CSNK1G2: variants seen among roughly 807,000 people sequenced by gnomAD.
CSNK1G2 encodes the protein casein kinase 1 gamma 2.
In CSNK1G2, 11 loss-of-function variants were observed where a neutral mutation model predicts 48.0. The ratio of observed to expected loss-of-function variants is 0.23; its 90% CI spans 0.14 to 0.38. The LOEUF (loss-of-function observed/expected upper bound fraction) is 0.38, where lower values mean the gene tolerates loss of function less well. Ranked by LOEUF, CSNK1G2 falls within the 10% of genes least tolerant of loss-of-function variation. The pLI, the probability that CSNK1G2 is intolerant of heterozygous loss-of-function variation, is 1.00. For missense variants in CSNK1G2, 446 were observed against 595.5 expected, an observed-to-expected ratio of 0.75 and a Z score of 2.61; for synonymous variants, 337 against 254.1, an observed-to-expected ratio of 1.33 and a Z score of -3.10.
intron 2 of CSNK1G2, among the ~76,000 whole-genome samples, chr19:1,976,906 A>G (rs779065332): frequency 8.6e-5 from 13 of 151,800 alleles, no homozygotes; most frequent in Non-Finnish European, 1.3e-4. Context: ...TGCCAGGCTA[A>G]TTTTGTATTT....
intron 1 of CSNK1G2, among the ~76,000 whole-genome samples, chr19:1,965,243 C>T (rs958134584): frequency 6.6e-6 from 1 of 150,382 alleles, no homozygotes; most frequent in Admixed American, 6.6e-5. Context: ...ATTAACCGGC[C>T]GTGGTGGCGG....
intron 1 of CSNK1G2, chr19:1,953,734 C>G (rs1464488832): frequency 2.5e-6 from 1 of 404,634 alleles, no homozygotes; most frequent in Non-Finnish European, 5.1e-6. Context: ...ATCCCCCCAA[C>G]AGGGTCTGGT....
At chr19:1,948,723 G>T (rs2145501941) in intron 1 of CSNK1G2, among the ~76,000 whole-genome samples, 1 of 152,294 alleles carries the variant, frequency 6.6e-6, no homozygotes, top group African/African-American at 2.4e-5. Context: ...AGCAGGGTGG[G>T]GTTTAGGGCA....
intron 1 of CSNK1G2, chr19:1,953,436 G>T (rs765421209): frequency 1.9e-6 from 1 of 534,580 alleles, no homozygotes; most frequent in Non-Finnish European, 3.8e-6. Flanking sequence ...ATGCAGATGT[G>T]TCCACTTTGC....
rs552136560 is a variant in CSNK1G2, at chr19:1,962,933, G to A, written c.-265-6575G>A. ...GACGGTGGCTACAACCCAGATGGCC[G>A]TCAGCAGAGGAGGAGGCGTAGTGTG... is the stretch of plus-strand genomic sequence containing the variant. On this transcript the variant is annotated intron_variant, in intron 1 of 11. Transcript: ENST00000255641. Among the ~76,000 whole-genome samples, 16 of 152,250 alleles carry A rather than the reference G, an allele frequency of 1.1e-4. No homozygotes were observed. In the East Asian group the frequency reaches 2.9e-3, roughly 28 times the overall value.
Position 1,963,652 on chromosome 19 carries a change from T to G in CSNK1G2, c.-265-5856T>G, listed in dbSNP as rs1233171059. On this transcript the variant is annotated intron_variant, in intron 1 of 11. Transcript: ENST00000255641. ...CCTCCCGAGTAGCTGGAGTTACAGG[T>G]GCACGCCACCACACCTAGCTAATTT... 4.1e-5 allele frequency among the ~76,000 whole-genome samples: 6 copies of G among 145,958 alleles called. No homozygotes were observed. The East Asian group carries it at 1.2e-3, about 30-fold the overall frequency.
intron 1 of CSNK1G2, among the ~76,000 whole-genome samples, chr19:1,943,961 G>A (rs1380287821): frequency 1.3e-5 from 2 of 152,152 alleles, no homozygotes; most frequent in East Asian, 1.9e-4. Context: ...AGGGGCTGCG[G>A]GCCTCGGGTG....
chr19:1,980,223 C>T lies in CSNK1G2; in HGVS notation c.*20C>T, dbSNP rs764214009. 34 of 1,612,434 alleles carry T rather than the reference C, an allele frequency of 2.1e-5. No individual in the cohort carries two copies. The highest frequency in any genetic ancestry group is 9.3e-6 in the Non-Finnish European group (11 of 1,179,664). ...AAGTGACCCTGGGCGCGTGCAGCCC[C>T]CTGAATCTTCTCCGTGCAGCCCCTT... On this transcript the variant is annotated 3_prime_UTR_variant, in exon 12 of 12. Coordinates refer to ENST00000255641, the MANE Select transcript of CSNK1G2 (RefSeq NM_001319.7).
chr19:1,978,771 G>C lies in CSNK1G2; in HGVS notation c.447+21G>C. On this transcript the variant is annotated intron_variant, in intron 5 of 11. Coordinates refer to ENST00000255641, the MANE Select transcript of CSNK1G2 (RefSeq NM_001319.7). This position sits in a 1 kb window ranked among gnomAD's most constrained non-coding sequence, Gnocchi z 7.3. ...AGCTGGTGCGCGGCGGGCGGGGCGG[G>C]GCGGGGCTCGGAGGGAAGAGGGTGG... The C allele has an allele frequency of 1.9e-6, 3 of 1,569,336 alleles. No individual in the cohort carries two copies. Among genetic ancestry groups the C allele is most frequent in the Middle Eastern group, 3.4e-4 (2 of 5,952 alleles).
chr19:1,960,176 A>C (rs2015151463), intron 1 of CSNK1G2, among the ~76,000 whole-genome samples: 1 of 152,124 alleles, frequency 6.6e-6, no homozygotes, highest in African/African-American at 2.4e-5. Flanking sequence ...TAGGAAGAAA[A>C]GGCGTCCTGC....
At chr19:1,948,434 AATGGC>A (rs1321593250) in intron 1 of CSNK1G2, among the ~76,000 whole-genome samples, 2 of 151,232 alleles carry the variant, frequency 1.3e-5, no homozygotes, top group African/African-American at 2.4e-5. Flanking sequence ...GAGGGAGGAG[AATGGC>A]ATGAACCCGG....
At chr19:1,944,765 G>A (rs2014493819) in intron 1 of CSNK1G2, among the ~76,000 whole-genome samples, 1 of 152,194 alleles carries the variant, frequency 6.6e-6, no homozygotes, top group African/African-American at 2.4e-5. Context: ...CACCAGAACG[G>A]TGTATTCAAT....
In CSNK1G2 at chr19:1,980,860, C is replaced by G. The variant is rs2015964917; in HGVS notation, c.*657C>G. On this transcript the variant is annotated 3_prime_UTR_variant, in exon 12 of 12. Transcript: ENST00000255641. ...CGGGCACGGCTGCTGCAGTCTCTTCCCAGCCTGGCCCTGGCAAGGGGCGGG... is the reference window on the plus strand; with the variant it reads ...CGGGCACGGCTGCTGCAGTCTCTTCGCAGCCTGGCCCTGGCAAGGGGCGGG... 6.6e-6 allele frequency: 1 copy of G among 152,524 alleles called. No homozygotes were observed. Among genetic ancestry groups the G allele is most frequent in the South Asian group, 2.1e-4 (1 of 4,858 alleles). 9.4% of individuals were successfully genotyped at this position (152,524 alleles called of 1,614,324 possible).
chr19:1,961,286 C>T (rs914000205), intron 1 of CSNK1G2, among the ~76,000 whole-genome samples: 13 of 152,206 alleles, frequency 8.5e-5, no homozygotes, highest in Non-Finnish European at 1.8e-4. Flanking sequence ...AGAACCTGGC[C>T]GTGGCGGGTG....
chr19:1,973,785 T>C (rs1180070253), intron 2 of CSNK1G2, among the ~76,000 whole-genome samples: 1 of 152,226 alleles, frequency 6.6e-6, no homozygotes, highest in African/African-American at 2.4e-5. Flanking sequence ...ACATTCACTT[T>C]GGCCATCTTT....
At position 1,979,874 on chromosome 19, in the gene CSNK1G2, A is replaced by G. The variant is rs763689119; in HGVS notation, c.1087-37A>G. 3.1e-6 allele frequency: 5 copies of G among 1,603,846 alleles called. No individual in the cohort carries two copies. In the South Asian group the frequency reaches 3.3e-5, roughly 11 times the overall value. On this transcript the variant is annotated intron_variant, in intron 10 of 11. Transcript: ENST00000255641. ...GGGACCGACCGCCCCAGGGAGGGGC[A>G]TGGGCGGCCAGCGTGACCCCCTACT...
Position 1,957,600 on chromosome 19 carries a change from C to T in CSNK1G2, c.-265-11908C>T, listed in dbSNP as rs145391568. ...CCCCTGCAGGTCCCCCATGTCCCCTCGCCCGGGGCGCGCTCCACAGGCTAG... is the reference window on the plus strand; with the variant it reads ...CCCCTGCAGGTCCCCCATGTCCCCTTGCCCGGGGCGCGCTCCACAGGCTAG... On this transcript the variant is annotated intron_variant, in intron 1 of 11. Transcript: ENST00000255641. This position sits in a 1 kb window ranked among gnomAD's most constrained non-coding sequence, Gnocchi z 5.4. Among the ~76,000 whole-genome samples, 24 of 152,326 alleles carry T rather than the reference C, an allele frequency of 1.6e-4. 1 individual carries two copies. Among genetic ancestry groups the T allele is most frequent in the African/African-American group, 4.8e-4 (20 of 41,580 alleles).
In CSNK1G2 at chr19:1,970,840, C is replaced by T. The variant is rs190382956; in HGVS notation, c.187+881C>T. On this transcript the variant is annotated intron_variant, in intron 2 of 11. Coordinates refer to ENST00000255641, the MANE Select transcript of CSNK1G2 (RefSeq NM_001319.7). ...GGAAAGAGCGCAGGATGGGCAGGTC[C>T]GAGAGGCCACGGCAGTGGATCGGCC... Among the ~76,000 whole-genome samples, 865 of 152,228 alleles carry T rather than the reference C, an allele frequency of 5.7e-3. 6 individuals carry two copies. Among genetic ancestry groups the T allele is most frequent in the South Asian group, 0.024 (116 of 4,818 alleles).
intron 1 of CSNK1G2, among the ~76,000 whole-genome samples, chr19:1,965,089 G>C (rs987163072): frequency 5.3e-5 from 8 of 150,398 alleles, no homozygotes; most frequent in Admixed American, 2.0e-4. Context: ...AAGATCCCTA[G>C]TGGAGACGTA....
Sources: gnomAD v4.1 joint callset for allele counts (sites outside exome capture counted in the v4.1 genomes callset) on GRCh38, gnomAD v4.1.1 for gene constraint, Gnocchi (gnomAD v3.1) non-coding constraint, MANE v1.5 for transcripts, NCBI Gene and HGNC (gene_info 2026-07-23, HGNC 2026-07-21) for gene names.